Variants in POLA1 observed in about 807,000 individuals in gnomAD.
The protein encoded by POLA1 is DNA polymerase alpha 1, catalytic subunit.
A neutral mutation model predicts 124.0 loss-of-function variants in POLA1; 15 were observed. The ratio of observed to expected loss-of-function variants is 0.12; its 90% confidence interval spans 0.08 to 0.19. The LOEUF is 0.19. Ranked by LOEUF, POLA1 falls within the 10% of genes least tolerant of loss-of-function variation. The pLI, the probability that POLA1 is intolerant of heterozygous loss-of-function variation, is 1.00. For synonymous variants in POLA1, 408 were observed against 389.4 expected, an observed-to-expected ratio of 1.05 and a Z score of -0.56; for missense variants, 886 against 1,103.4, an observed-to-expected ratio of 0.80 and a Z score of 2.79.
At chrX:24,750,674 A>G (rs1301669818) in intron 26 of POLA1, among the ~76,000 whole-genome samples, 1 of 112,514 alleles carries the variant, frequency 8.9e-6, no homozygotes, top group African/African-American at 3.2e-5. Flanking sequence ...GAAATAGATA[A>G]TAACGTTTTC....
intron 32 of POLA1, 50 bp downstream of exon 32, chrX:24,826,651 G>T: frequency 1.2e-6 from 1 of 850,804 alleles, no homozygotes; most frequent in South Asian, 2.6e-5. Context: ...AGGGGCACAT[G>T]TAGTCTTCCT....
At chrX:24,800,641 G>A (rs1021751184) in intron 26 of POLA1, among the ~76,000 whole-genome samples, 1 of 111,851 alleles carries the variant, frequency 8.9e-6, no homozygotes, top group East Asian at 2.8e-4. Context: ...CTAAACTGGA[G>A]GTTGGAGTGG....
At chrX:24,858,988 A>C (rs918343580) in intron 34 of POLA1, among the ~76,000 whole-genome samples, 2 of 111,560 alleles carry the variant, frequency 1.8e-5, no homozygotes, top group Non-Finnish European at 1.9e-5. Flanking sequence ...AGGTATTCAG[A>C]GCAATACCCT....
intron 36 of POLA1, among the ~76,000 whole-genome samples, chrX:24,958,304 A>T (rs1401222306): frequency 8.9e-6 from 1 of 112,036 alleles, no homozygotes; most frequent in African/African-American, 3.2e-5. Context: ...AGAGCTGTAT[A>T]TAGGCTCTTC....
At chrX:24,775,976 C>G (rs143490786) in intron 26 of POLA1, among the ~76,000 whole-genome samples, 242 of 111,810 alleles carry the variant, frequency 2.2e-3, no homozygotes, top group African/African-American at 7.7e-3. Context: ...CTTCCCAAGC[C>G]AGATCTGGTT....
Position 24,996,188 on chromosome X carries a change from GCCCCTCCCCAAGCT to G in POLA1, c.*255_*268del, listed in dbSNP as rs923659095. 12 of 280,970 alleles carry G rather than the reference GCCCCTCCCCAAGCT, an allele frequency of 4.3e-5. No homozygotes were observed. The highest frequency in any genetic ancestry group is 2.9e-4 in the East Asian group (5 of 17,199). 23.2% of individuals were successfully genotyped at this position (280,970 alleles called of 1,213,427 possible). The stretch of plus-strand genomic sequence containing the variant: ...TACTGCTTTAAAACACAACTCCAGA[GCCCCTCCCCAAGCT>G]CCCCTCCCCAAGCTCCTGAAGACCC... On this transcript the variant is annotated 3_prime_UTR_variant, in exon 37 of 37. Coordinates refer to ENST00000379068, the MANE Select transcript of POLA1 (RefSeq NM_001330360.2).
chrX:24,781,619 T>C (rs1465958819), intron 26 of POLA1, among the ~76,000 whole-genome samples: 2 of 111,812 alleles, frequency 1.8e-5, no homozygotes, highest in African/African-American at 3.3e-5. Flanking sequence ...TGGGAGAAAT[T>C]GTTGTCACTT....
At chrX:24,838,638 A>G (rs2046371963) in intron 32 of POLA1, among the ~76,000 whole-genome samples, 1 of 112,905 alleles carries the variant, frequency 8.9e-6, no homozygotes, top group African/African-American at 3.2e-5. Flanking sequence ...CTCAAAGACT[A>G]ATGTACGCAG....
At chrX:24,947,325 T>C (rs2047978443) in intron 36 of POLA1, among the ~76,000 whole-genome samples, 1 of 87,935 alleles carries the variant, frequency 1.1e-5, no homozygotes, top group Non-Finnish European at 2.1e-5. Context: ...TAGAGTGCAT[T>C]GGCGCAATCA....
At position 24,758,377 on chromosome X, in the gene POLA1, C is replaced by G. The variant is rs777016924; in HGVS notation, c.2964+9385C>G. On this transcript the variant is annotated intron_variant, in intron 26 of 36. Coordinates refer to ENST00000379068, the MANE Select transcript of POLA1 (RefSeq NM_001330360.2). Reference sequence around the variant, plus strand: ...ATACTGAGTATTTCTTTCAAAATGGCTAAGATGTTAGACTTGAGACAAATT... The same window carrying G: ...ATACTGAGTATTTCTTTCAAAATGGGTAAGATGTTAGACTTGAGACAAATT... Among the ~76,000 whole-genome samples, 4 of 111,832 alleles carry G rather than the reference C, an allele frequency of 3.6e-5. No individual in the cohort carries two copies. In the South Asian group the frequency reaches 1.5e-3, roughly 41 times the overall value.
intron 26 of POLA1, among the ~76,000 whole-genome samples, chrX:24,761,079 C>A (rs1303951162): frequency 8.9e-6 from 1 of 112,046 alleles, no homozygotes; most frequent in Admixed American, 9.5e-5. Context: ...TTTTTACTCA[C>A]ATTTTTAAAA....
intron 36 of POLA1, among the ~76,000 whole-genome samples, chrX:24,976,477 A>G (rs116458423): frequency 0.011 from 1,213 of 112,176 alleles, 14 homozygotes; most frequent in African/African-American, 0.038. Flanking sequence ...AAAAGTTCTC[A>G]TTCTCATAAT....
chrX:24,913,034 A>G (rs1414969176), intron 35 of POLA1, among the ~76,000 whole-genome samples: 1 of 112,232 alleles, frequency 8.9e-6, no homozygotes, highest in African/African-American at 3.2e-5. Flanking sequence ...GTACAAATTT[A>G]TGTTCATACA....
chrX:24,888,161 G>C, intron 35 of POLA1, 39 bp downstream of exon 35: 1 of 873,881 alleles, frequency 1.1e-6, no homozygotes, highest in Admixed American at 2.2e-5. Context: ...TGTAGAAGAG[G>C]GTAGAGGGCT....
chrX:24,794,982 T>C (rs946053165), intron 26 of POLA1, among the ~76,000 whole-genome samples: 2 of 110,964 alleles, frequency 1.8e-5, no homozygotes, highest in Admixed American at 1.9e-4. Flanking sequence ...TCTGGTGGTG[T>C]TGATAGTGGT....
chrX:24,729,501 T>A (rs1425122450), intron 15 of POLA1, among the ~76,000 whole-genome samples: 1 of 112,224 alleles, frequency 8.9e-6, no homozygotes, highest in Non-Finnish European at 1.9e-5. Flanking sequence ...CCATGGTTTT[T>A]AAATTTTTCT....
chrX:24,824,834 T>C (rs1003083897), intron 31 of POLA1, among the ~76,000 whole-genome samples: 2 of 111,626 alleles, frequency 1.8e-5, no homozygotes, highest in Non-Finnish European at 3.8e-5. Context: ...CAACTGCTTT[T>C]TTGAAAACCA....
At chrX:24,698,717 G>A (rs997178642) in intron 1 of POLA1, among the ~76,000 whole-genome samples, 2 of 110,996 alleles carry the variant, frequency 1.8e-5, no homozygotes, top group East Asian at 2.8e-4. Flanking sequence ...GCAATGGTGC[G>A]ATCTCAGCTC....
chrX:24,955,632 T>C (rs1322108027), intron 36 of POLA1, among the ~76,000 whole-genome samples: 1 of 112,267 alleles, frequency 8.9e-6, no homozygotes, highest in Non-Finnish European at 1.9e-5. Context: ...CCATTGTTCA[T>C]AGCTTTATCA....
Sources: allele counts gnomAD v4.1 joint callset (sites outside exome capture counted in the v4.1 genomes callset), GRCh38; gene constraint gnomAD v4.1.1; transcripts MANE v1.5; gene names NCBI Gene and HGNC (gene_info 2026-07-23, HGNC 2026-07-21).